Variants in DNAJC25 observed in about 807,000 individuals in gnomAD.
DNAJC25 encodes dnaJ homolog subfamily C member 25.
A neutral mutation model predicts 42.1 loss-of-function variants in DNAJC25; 26 were observed. The ratio of observed to expected loss-of-function variants is 0.62; its 90% confidence interval spans 0.45 to 0.86. DNAJC25 has a LOEUF of 0.86. Among genes scored for constraint, DNAJC25 ranks in the 40% least tolerant of loss-of-function variants. The pLI is 0.00. For synonymous variants in DNAJC25, 189 were observed against 179.9 expected (o/e 1.05, Z -0.40); for missense variants, 404 against 459.4 (o/e 0.88, Z 1.10).
chr9:111,652,543 CT>C (rs199787751), intron 3 of DNAJC25, among the ~76,000 whole-genome samples: 2 of 134,736 alleles, frequency 1.5e-5, no homozygotes, highest in Non-Finnish European at 1.6e-5. Flanking sequence ...AGTACTAGTT[CT>C]TTTTTTTTAA....
rs150823018 is a variant in DNAJC25 at position 111,644,774 on chromosome 9, C to T, written c.337-2333C>T. Among the ~76,000 whole-genome samples the T allele has an allele frequency of 2.5e-3, 380 of 152,260 alleles. 3 individuals are homozygous for T. The highest frequency in any genetic ancestry group is 8.4e-3 in the African/African-American group (347 of 41,540). ...CCGAGTTAAAGTCAAGGATTTAAGG[C>T]GCCAAAACGGCATTTCTATAAAATT... On this transcript the variant is annotated intron_variant, in intron 1 of 3. Transcript: ENST00000313525.
At chr9:111,646,548 A>T (rs1447096558) in intron 1 of DNAJC25, among the ~76,000 whole-genome samples, 1 of 152,170 alleles carries the variant, frequency 6.6e-6, no homozygotes, top group Admixed American at 6.5e-5. Flanking sequence ...GTGAATGAAG[A>T]AGGAGGAGGC....
At position 111,653,339 on chromosome 9, in the gene DNAJC25, T is replaced by C; in HGVS notation, c.*117T>C. The C allele has an allele frequency of 8.2e-7, 1 of 1,218,436 alleles. No homozygotes were observed. The highest frequency in any genetic ancestry group is 1.1e-6 in the Non-Finnish European group (1 of 938,018). The allele number at this position is 1,218,436 out of a possible 1,614,324, so 75.5% of individuals were successfully genotyped here. ...AGCAGTAACTAAAATTCCTCAAGTATTTGATTAAACAGAATAATGTCAAAA... is the reference window on the plus strand; with the variant it reads ...AGCAGTAACTAAAATTCCTCAAGTACTTGATTAAACAGAATAATGTCAAAA... On this transcript the variant is annotated 3_prime_UTR_variant, in exon 4 of 4. Transcript: ENST00000313525.
At chr9:111,632,039 C>T (rs1337413394) in intron 1 of DNAJC25, among the ~76,000 whole-genome samples, 1 of 152,250 alleles carries the variant, frequency 6.6e-6, no homozygotes, top group Middle Eastern at 3.2e-3. Flanking sequence ...GTGCATTTCA[C>T]ATTCGAAAAG....
intron 2 of DNAJC25, among the ~76,000 whole-genome samples, chr9:111,648,356 G>A (rs1830598149): frequency 6.6e-6 from 1 of 151,698 alleles, no homozygotes; most frequent in Admixed American, 6.6e-5. Context: ...TGACTTCTTG[G>A]GCTCAGGCGA....
At chr9:111,632,749 T>C (rs1830305340) in intron 1 of DNAJC25, among the ~76,000 whole-genome samples, 1 of 152,038 alleles carries the variant, frequency 6.6e-6, no homozygotes, top group Non-Finnish European at 1.5e-5. Flanking sequence ...CTTTTAATGA[T>C]TGTACTTTGA....
At chr9:111,649,389 T>C (rs193192759) in intron 2 of DNAJC25, 64 bp from the exon 3 acceptor site, 1 of 1,467,236 alleles carries the variant, frequency 6.8e-7, no homozygotes, top group South Asian at 1.5e-5. Flanking sequence ...GACTCTATCA[T>C]TCCTTTAATT....
chr9:111,647,290 T>A, intron 2 of DNAJC25, 31 bp downstream of exon 2: 1 of 1,612,382 alleles, frequency 6.2e-7, no homozygotes, highest in Middle Eastern at 1.7e-4. Context: ...TTATCTACAT[T>A]TATGTGCATT....
chr9:111,647,232 C>T lies in DNAJC25; in HGVS notation c.462C>T (p.Val154=). The change falls in exon 2 of 4, where the codon GTC becomes GTT. Residue 154 remains valine (V), a synonymous_variant. Transcript: ENST00000313525. ...PKVDVRVVIL[V]SVCAISVFQF... is the part of the protein sequence containing the mutation. ...TGGATGTTAGAGTAGTGATTTTGGT[C>T]AGCGTGTGTGCTATTTCGGTGTTTC... 1 of 1,614,138 alleles carries T rather than the reference C, an allele frequency of 6.2e-7. No homozygotes were observed. Among genetic ancestry groups the T allele is most frequent in the Non-Finnish European group, 8.5e-7 (1 of 1,180,016 alleles).
At chr9:111,650,805 T>G (rs1830647209) in intron 3 of DNAJC25, among the ~76,000 whole-genome samples, 1 of 152,190 alleles carries the variant, frequency 6.6e-6, no homozygotes. Flanking sequence ...CAAAACCTGC[T>G]TAAGAAGTCT....
At chr9:111,652,451 A>G (rs373388205) in intron 3 of DNAJC25, among the ~76,000 whole-genome samples, 10 of 143,442 alleles carry the variant, frequency 7.0e-5, no homozygotes, top group South Asian at 2.4e-4. Context: ...GGAGGCAGAG[A>G]TTGCAGTGAG....
At chr9:111,650,481 T>C (rs1830642929) in intron 3 of DNAJC25, among the ~76,000 whole-genome samples, 1 of 152,228 alleles carries the variant, frequency 6.6e-6, no homozygotes, top group African/African-American at 2.4e-5. Context: ...TTTTAATAAA[T>C]GCTTTATGCT....
chr9:111,645,097 CTG>C (rs1346861902), intron 1 of DNAJC25, among the ~76,000 whole-genome samples: 1 of 152,142 alleles, frequency 6.6e-6, no homozygotes, highest in African/African-American at 2.4e-5. Flanking sequence ...CGTTGTATAA[CTG>C]AGAGTTTTCA....
Position 111,647,205 on chromosome 9 carries a change from G to T in DNAJC25, c.435G>T (p.Lys145Asn). The T allele has an allele frequency of 6.2e-7, 1 of 1,614,180 alleles. No individual in the cohort carries two copies. The highest frequency in any genetic ancestry group is 1.1e-5 in the South Asian group (1 of 91,082). Residue 145 changes from lysine to asparagine, a missense_variant, in exon 2 of 4, where the codon AAG (lysine) becomes AAT (asparagine). Lys to Asn is a moderately conservative substitution (Grantham distance 94). Transcript: ENST00000313525. The part of the protein sequence containing the change: ...YHYYSRRLAP[K>N]VDVRVVILVS... ...ACTATAGCAGGCGCTTGGCCCCTAA[G>T]GTGGATGTTAGAGTAGTGATTTTGG...
chr9:111,637,821 A>G (rs1830386553), intron 1 of DNAJC25, among the ~76,000 whole-genome samples: 1 of 152,100 alleles, frequency 6.6e-6, no homozygotes, highest in South Asian at 2.1e-4. Context: ...TTCTTCCCTG[A>G]CTTCCTTGAC....
intron 3 of DNAJC25, among the ~76,000 whole-genome samples, chr9:111,652,483 C>G (rs1407099510): frequency 6.8e-6 from 1 of 146,950 alleles, no homozygotes; most frequent in Admixed American, 6.7e-5. Flanking sequence ...CCACTGCACT[C>G]CAGCCTAGGC....
intron 1 of DNAJC25, among the ~76,000 whole-genome samples, chr9:111,634,514 T>C (rs2131254781): frequency 1.3e-5 from 2 of 152,246 alleles, no homozygotes; most frequent in African/African-American, 4.8e-5. Flanking sequence ...GGATAAAAGG[T>C]CCAGGTGGCG....
rs1243813627 is a variant in DNAJC25, at chr9:111,649,936, C to T, written c.960+13C>T. On this transcript the variant is annotated intron_variant, in intron 3 of 3. Transcript: ENST00000313525. Reference sequence around the variant, plus strand: ...GGAGAATTATGAGGTGAGTAGTCACCCTGCTGTGATTTAAGTGTCATCCAC... The same window carrying T: ...GGAGAATTATGAGGTGAGTAGTCACTCTGCTGTGATTTAAGTGTCATCCAC... 1.3e-6 allele frequency: 2 copies of T among 1,538,438 alleles called. No individual in the cohort carries two copies. Among genetic ancestry groups the T allele is most frequent in the African/African-American group, 1.4e-5 (1 of 72,102 alleles).
At chr9:111,641,528 T>TG (rs1315136840) in intron 1 of DNAJC25, among the ~76,000 whole-genome samples, 2 of 53,986 alleles carry the variant, frequency 3.7e-5, no homozygotes, top group Admixed American at 2.6e-4. Context: ...GGGAGGGAGG[T>TG]GGGGGGGTCG....
Sources: gnomAD v4.1 joint callset for allele counts (sites outside exome capture counted in the v4.1 genomes callset) on GRCh38, gnomAD v4.1.1 for gene constraint, MANE v1.5 for transcripts, NCBI Gene and HGNC (gene_info 2026-07-23, HGNC 2026-07-21) for gene names.